Variants in STAU2 observed in about 807,000 individuals in gnomAD.
STAU2 encodes the protein staufen double-stranded RNA binding protein 2.
A neutral mutation model predicts 65.9 loss-of-function variants in STAU2; 20 were observed. That is an observed-to-expected ratio of 0.30 (90% confidence interval 0.21 to 0.44). The LOEUF (loss-of-function observed/expected upper bound fraction) is 0.44. Ranked by LOEUF, STAU2 falls within the 20% of genes least tolerant of loss-of-function variation. The pLI is 1.00. For synonymous variants in STAU2, 232 were observed against 233.9 expected, an observed-to-expected ratio of 0.99 and a Z score of 0.07; for missense variants, 558 against 683.9, an observed-to-expected ratio of 0.82 and a Z score of 2.05.
At chr8:73,720,670 G>A (rs7828632) in intron 3 of STAU2, among the ~76,000 whole-genome samples, 2,320 of 114,490 alleles carry the variant, frequency 0.02, 419 homozygotes, top group African/African-American at 0.075. Flanking sequence ...CCGCCACCGC[G>A]CCCGGCTAAT....
At chr8:73,680,383 G>A (rs1028433645) in intron 5 of STAU2, among the ~76,000 whole-genome samples, 1 of 152,112 alleles carries the variant, frequency 6.6e-6, no homozygotes, top group Non-Finnish European at 1.5e-5. Context: ...CATCGCTGCA[G>A]TTCAGCTCTC....
chr8:73,722,253 T>A (rs1171261278), intron 3 of STAU2, among the ~76,000 whole-genome samples: 1 of 152,202 alleles, frequency 6.6e-6, no homozygotes, highest in Non-Finnish European at 1.5e-5. Context: ...CACAACAGCT[T>A]GTTAATATTT....
intron 4 of STAU2, among the ~76,000 whole-genome samples, chr8:73,693,362 C>T (rs544411536): frequency 1.3e-5 from 2 of 151,592 alleles, no homozygotes; most frequent in Non-Finnish European, 2.9e-5. Context: ...GTAGTCCCAG[C>T]TACTCGGGAG....
intron 13 of STAU2, among the ~76,000 whole-genome samples, chr8:73,521,135 T>C (rs1823017167): frequency 6.6e-6 from 1 of 152,180 alleles, no homozygotes; most frequent in African/African-American, 2.4e-5. Flanking sequence ...TAAAATATCA[T>C]TAGTTGTAAG....
At chr8:73,683,866 C>T (rs1437465770) in intron 5 of STAU2, among the ~76,000 whole-genome samples, 1 of 151,840 alleles carries the variant, frequency 6.6e-6, no homozygotes, top group Non-Finnish European at 1.5e-5. Context: ...ACAATAGCTG[C>T]AAAAAAATGA....
intron 6 of STAU2, among the ~76,000 whole-genome samples, chr8:73,665,805 C>G (rs1031510052): frequency 6.6e-6 from 1 of 152,066 alleles, no homozygotes; most frequent in African/African-American, 2.4e-5. Flanking sequence ...GCTGCTCAAG[C>G]CCCTGATATA....
At chr8:73,475,610 G>T (rs757012185) in intron 13 of STAU2, among the ~76,000 whole-genome samples, 1 of 151,990 alleles carries the variant, frequency 6.6e-6, no homozygotes, top group Admixed American at 6.6e-5. Flanking sequence ...CTATAAAAAC[G>T]GTCTATTGAA....
At chr8:73,490,586 C>T (rs1466564882) in intron 13 of STAU2, among the ~76,000 whole-genome samples, 3 of 152,062 alleles carry the variant, frequency 2.0e-5, no homozygotes, top group African/African-American at 7.2e-5. Flanking sequence ...GATACACGGC[C>T]TTTACTTAAA....
At chr8:73,714,739 G>A (rs1219761671) in intron 3 of STAU2, among the ~76,000 whole-genome samples, 1 of 152,074 alleles carries the variant, frequency 6.6e-6, no homozygotes, top group Admixed American at 6.6e-5. Flanking sequence ...TGACACTAAA[G>A]TCTAAGCCAT....
rs563616855 is a variant in STAU2, at chr8:73,598,553, G to C, written c.1030-3256C>G. Among the ~76,000 whole-genome samples the C allele has an allele frequency of 2.0e-4, 30 of 152,190 alleles. No homozygotes were observed. The South Asian group carries it at 4.2e-3, about 21-fold the overall frequency. Reference sequence around the variant, plus strand: ...AAGAAAACCTTTTAAATATGATAAAGGGCATTTTACAAAACACCTACAGCA... The same window carrying C: ...AAGAAAACCTTTTAAATATGATAAACGGCATTTTACAAAACACCTACAGCA... On this transcript the variant is annotated intron_variant, in intron 10 of 14. Coordinates refer to ENST00000524300, the MANE Select transcript of STAU2 (RefSeq NM_001164380.2).
In STAU2 at chr8:73,460,886, T is replaced by C. The variant is rs901370141; in HGVS notation, c.1531-38184A>G. ...CGCTTCTGAGAGCAATTCATTCCAA[T>C]GGTTTAGCCATTGACACAAGAACCA... On this transcript the variant is annotated intron_variant, in intron 13 of 14. Coordinates refer to ENST00000524300, the MANE Select transcript of STAU2 (RefSeq NM_001164380.2). 3.3e-5 allele frequency among the ~76,000 whole-genome samples: 5 copies of C among 152,242 alleles called. No individual in the cohort carries two copies. The South Asian group carries it at 1.0e-3, about 32-fold the overall frequency.
At chr8:73,564,493 A>AAGGGTGG (rs945314075) in intron 12 of STAU2, among the ~76,000 whole-genome samples, 2 of 152,040 alleles carry the variant, frequency 1.3e-5, no homozygotes, top group African/African-American at 4.8e-5. Flanking sequence ...TCGAAGGGTG[A>AAGGGTGG]AGGGTGGAGG....
intron 13 of STAU2, among the ~76,000 whole-genome samples, chr8:73,514,778 CA>C (rs1822614534): frequency 2.0e-5 from 3 of 152,054 alleles, no homozygotes; most frequent in Admixed American, 2.0e-4. Flanking sequence ...ATTTTTTCTC[CA>C]ACTTTTTTTT....
At chr8:73,552,368 T>G in intron 12 of STAU2, 49 bp from the exon 13 acceptor site, 1 of 1,489,626 alleles carries the variant, frequency 6.7e-7, no homozygotes, top group Non-Finnish European at 9.1e-7. Flanking sequence ...ATAACCGAAA[T>G]AGAAACATAG....
At chr8:73,561,127 G>A (rs78647668) in intron 12 of STAU2, among the ~76,000 whole-genome samples, 1,724 of 152,204 alleles carry the variant, frequency 0.011, 23 homozygotes, top group African/African-American at 0.039. Flanking sequence ...TATTAATAGT[G>A]ATCCAAGGGC....
intron 13 of STAU2, among the ~76,000 whole-genome samples, chr8:73,450,814 T>C (rs940834861): frequency 1.3e-5 from 2 of 152,130 alleles, no homozygotes; most frequent in African/African-American, 4.8e-5. Context: ...GTGTGTGCTG[T>C]TTTTGCTCCA....
At chr8:73,540,056 G>GA (rs1373990446) in intron 13 of STAU2, among the ~76,000 whole-genome samples, 1 of 151,866 alleles carries the variant, frequency 6.6e-6, no homozygotes, top group Non-Finnish European at 1.5e-5. Context: ...CAGATTAAAG[G>GA]AAAAAAGAGA....
At chr8:73,733,314 C>G (rs1279846433) in intron 3 of STAU2, among the ~76,000 whole-genome samples, 1 of 152,222 alleles carries the variant, frequency 6.6e-6, no homozygotes, top group Non-Finnish European at 1.5e-5. Flanking sequence ...TTAGGACACA[C>G]TGACCTGTCA....
intron 10 of STAU2, among the ~76,000 whole-genome samples, chr8:73,596,027 G>A (rs747798316): frequency 1.1e-4 from 16 of 151,540 alleles, no homozygotes; most frequent in Middle Eastern, 3.4e-3. Flanking sequence ...CAAGAGAATC[G>A]CTTGAACCCA....
Sources: allele counts gnomAD v4.1 joint callset (sites outside exome capture counted in the v4.1 genomes callset), GRCh38; gene constraint gnomAD v4.1.1; transcripts MANE v1.5; gene names NCBI Gene and HGNC (gene_info 2026-07-23, HGNC 2026-07-21).